Variants in DNAH8 observed in about 807,000 individuals in gnomAD.
DNAH8 encodes the protein axonemal beta dynein heavy chain 8.
Under a neutral mutation model 562.1 loss-of-function variants are expected in DNAH8, and 382 were observed. That is an observed-to-expected ratio of 0.68 (90% CI 0.63 to 0.74). The LOEUF (loss-of-function observed/expected upper bound fraction) is 0.74, where lower values mean the gene tolerates loss of function less well. DNAH8 is among the 30% of genes least tolerant of loss of function. The pLI, the probability that DNAH8 is intolerant of heterozygous loss-of-function variation, is 0.00. For missense variants in DNAH8, 5,203 were observed against 5,620.4 expected, an observed-to-expected ratio of 0.93 and a Z score of 2.37; for synonymous variants, 1,881 against 1,919.4, an observed-to-expected ratio of 0.98 and a Z score of 0.52.
At chr6:38,971,963 C>A in intron 83 of DNAH8, 1 of 250,570 alleles carries the variant, frequency 4.0e-6, no homozygotes, top group Non-Finnish European at 7.6e-6. Flanking sequence ...ATTTCATGAT[C>A]AATATGAATA....
chr6:38,971,724 G>T (rs1763369645), intron 83 of DNAH8, 59 bp downstream of exon 83: 1 of 1,312,740 alleles, frequency 7.6e-7, no homozygotes, highest in Admixed American at 2.2e-5. Flanking sequence ...CACAATCATG[G>T]ATGTTACCAC....
In DNAH8 at chr6:38,828,225, C is replaced by A; in HGVS notation, c.4125C>A (p.Thr1375=). Residue 1375 remains threonine (T), a synonymous_variant, in exon 30 of 93, where the codon ACC becomes ACA. Transcript: ENST00000327475. ...AILNRFEVEV[T]KEESEAVDTL... ...TAAACAGATTTGAAGTTGAAGTAAC[C>A]AAAGAAGAATCAGAAGCAGTTGATA... 6.3e-7 allele frequency: 1 copy of A among 1,594,984 alleles called. No homozygotes were observed. Among genetic ancestry groups the A allele is most frequent in the South Asian group, 1.2e-5 (1 of 85,682 alleles).
Position 39,008,915 on chromosome 6 carries a change from A to T in DNAH8, c.13316A>T (p.Tyr4439Phe). Reference sequence around the variant, plus strand: ...GGAGAGACCCGGGAGGCTATTGTTTATAGATTATCTGAAGATATGCTGAGT... The same window carrying T: ...GGAGAGACCCGGGAGGCTATTGTTTTTAGATTATCTGAAGATATGCTGAGT... ...GVGETREAIV[Y>F]RLSEDMLSKL... is the part of the protein sequence containing the mutation. Residue 4439 changes from tyrosine (Y) to phenylalanine (F), a missense_variant, in exon 89 of 93, where the codon TAT becomes TTT. Physicochemically the swap from Tyr to Phe is conservative, Grantham distance 22. Transcript: ENST00000327475. The T allele has an allele frequency of 6.2e-7, 1 of 1,610,816 alleles. No individual in the cohort carries two copies. The highest frequency in any genetic ancestry group is 8.5e-7 in the Non-Finnish European group (1 of 1,177,094).
At chr6:38,743,680 G>A (rs13212272) in intron 8 of DNAH8, among the ~76,000 whole-genome samples, 9,605 of 152,054 alleles carry the variant, frequency 0.063, 340 homozygotes, top group South Asian at 0.11. Context: ...TTCAAGTTTC[G>A]TCCATGTTGT....
At position 38,923,103 on chromosome 6, in the gene DNAH8, G is replaced by A. The variant is rs776294190; in HGVS notation, c.10708G>A (p.Ala3570Thr). 1.9e-6 allele frequency: 3 copies of A among 1,613,582 alleles called. No homozygotes were observed. The highest frequency in any genetic ancestry group is 1.1e-5 in the South Asian group (1 of 91,040). The stretch of plus-strand genomic sequence containing the variant: ...TACGTGCCGGAAAAAGATGCAGGCC[G>A]CCTCCACTCTCATCGATGGGCTGAG... The part of the protein sequence containing the change: ...ADTCRKKMQA[A>T]STLIDGLSGE... The change falls in exon 72 of 93, where the codon GCC becomes ACC. Residue 3570 changes from alanine (A) to threonine (T), a missense_variant. By Grantham distance (58) the Ala-to-Thr change is moderately conservative (BLOSUM62 0). Coordinates refer to ENST00000327475, the MANE Select transcript of DNAH8 (RefSeq NM_001206927.2).
At chr6:39,018,783 G>A (rs1766717259) in intron 91 of DNAH8, among the ~76,000 whole-genome samples, 1 of 152,196 alleles carries the variant, frequency 6.6e-6, no homozygotes, top group Non-Finnish European at 1.5e-5. Flanking sequence ...AGGAGAAGGA[G>A]AGTAGTAAGT....
chr6:38,883,018 A>G lies in DNAH8; in HGVS notation c.7967A>G (p.Asn2656Ser). 1 of 1,601,760 alleles carries G rather than the reference A, an allele frequency of 6.2e-7. No individual in the cohort carries two copies. Among genetic ancestry groups the G allele is most frequent in the South Asian group, 1.1e-5 (1 of 87,344 alleles). Residue 2656 changes from asparagine (N) to serine (S), a missense_variant, in exon 54 of 93, where the codon AAT (asparagine) becomes AGT (serine). By Grantham distance (46) the Asn-to-Ser change is conservative (BLOSUM62 1). Transcript: ENST00000327475. Reference protein sequence around the residue: ...LVPNVDNIRTNFLIDTIAKQH... With the variant: ...LVPNVDNIRTSFLIDTIAKQH... ...CCAAATGTTGACAATATTAGAACAA[A>G]TTTTTTGATAGACACCATTGCAAAA...
intron 41 of DNAH8, among the ~76,000 whole-genome samples, chr6:38,854,474 C>G (rs142528304): frequency 1.1e-3 from 160 of 152,248 alleles, no homozygotes; most frequent in African/African-American, 3.7e-3. Context: ...AATGATGTAT[C>G]ATTTATTCAA....
At chr6:38,865,410 C>T (rs1430843113) in intron 45 of DNAH8, among the ~76,000 whole-genome samples, 2 of 152,144 alleles carry the variant, frequency 1.3e-5, no homozygotes, top group African/African-American at 2.4e-5. Context: ...AACATGCTCC[C>T]TGGATTAAGA....
intron 21 of DNAH8, among the ~76,000 whole-genome samples, chr6:38,792,954 A>T (rs1738244): frequency 0.29 from 44,243 of 151,418 alleles, 6,758 homozygotes; most frequent in Admixed American, 0.39. Flanking sequence ...AATTAAAAAC[A>T]TTTTTTTTGT....
chr6:38,752,209 G>A (rs1257320874), intron 9 of DNAH8, among the ~76,000 whole-genome samples: 2 of 151,780 alleles, frequency 1.3e-5, no homozygotes, highest in East Asian at 3.9e-4. Context: ...TGTCACCCAG[G>A]CTGGAGTGCA....
In DNAH8 at chr6:38,823,552, C is replaced by T; in HGVS notation, c.3721-10C>T. On this transcript the variant is annotated splice_polypyrimidine_tract_variant and intron_variant, in intron 27 of 92. Transcript: ENST00000327475. ...AAAAAATTAAAATATTGACTATTTTCTTACCACAGGAATTTTTGGCTAACA... is the reference window on the plus strand; with the variant it reads ...AAAAAATTAAAATATTGACTATTTTTTTACCACAGGAATTTTTGGCTAACA... 6.3e-7 allele frequency: 1 copy of T among 1,588,538 alleles called. No individual in the cohort carries two copies. Among genetic ancestry groups the T allele is most frequent in the Non-Finnish European group, 8.6e-7 (1 of 1,161,016 alleles).
At chr6:38,918,175 A>G in intron 70 of DNAH8, 35 bp downstream of exon 70, 2 of 1,463,816 alleles carry the variant, frequency 1.4e-6, no homozygotes, top group Non-Finnish European at 9.5e-7. Flanking sequence ...GTAAATCAAT[A>G]TTTCATAAAA....
intron 11 of DNAH8, among the ~76,000 whole-genome samples, chr6:38,766,610 C>T (rs1767026023): frequency 6.6e-6 from 1 of 152,104 alleles, no homozygotes. Flanking sequence ...CCTCAGCCTC[C>T]CTAGTCACTG....
intron 41 of DNAH8, 111 bp from the exon 42 acceptor site, chr6:38,857,407 G>C (rs150364277): frequency 1.6e-4 from 108 of 672,192 alleles, no homozygotes; most frequent in African/African-American, 1.3e-3. Context: ...GTGAAGAAAT[G>C]CAAGTCAATC....
intron 11 of DNAH8, chr6:38,764,656 G>A (rs1036123882): frequency 1.3e-5 from 2 of 152,260 alleles, no homozygotes; most frequent in Admixed American, 6.5e-5. Context: ...GCAATGAAAT[G>A]CCCAGGAGCA....
rs143707632 is a variant in DNAH8 at position 38,896,154 on chromosome 6, C to T, written c.8869C>T (p.Arg2957Cys). ...TGAACCATACTTTGTGGATTTTCTT[C>T]GTGAGATGCCAGAACCAACTGGTGA... ...LPEPYFVDFL[R>C]EMPEPTGDEP... The change falls in exon 60 of 93, where the codon CGT becomes TGT. Residue 2957 changes from arginine (R) to cysteine (C), a missense_variant. This residue lies in a region of DNAH8 where 977 missense variants were observed against 1,061.8 expected (regional missense o/e 0.92). Transcript: ENST00000327475. 145 of 1,613,662 alleles carry T rather than the reference C, an allele frequency of 9.0e-5. No homozygotes were observed. The African/African-American group carries it at 1.5e-3, about 17-fold the overall frequency.
chr6:38,775,807 C>T lies in DNAH8; in HGVS notation c.1818C>T (p.Thr606=). 2 of 1,596,356 alleles carry T rather than the reference C, an allele frequency of 1.3e-6. No individual in the cohort carries two copies. Among genetic ancestry groups the T allele is most frequent in the Non-Finnish European group, 1.7e-6 (2 of 1,164,344 alleles). The change falls in exon 13 of 93, where the codon ACC becomes ACT. Residue 606 remains threonine, a synonymous_variant. Coordinates refer to ENST00000327475, the MANE Select transcript of DNAH8 (RefSeq NM_001206927.2). ...VQTYSTLSNS[T]IEGIDIMAIK... Reference sequence around the variant, plus strand: ...CATATTCAACCTTGAGTAATTCTACCATAGAAGGAATAGATATTATGGCAA... The same window carrying T: ...CATATTCAACCTTGAGTAATTCTACTATAGAAGGAATAGATATTATGGCAA...
intron 41 of DNAH8, among the ~76,000 whole-genome samples, chr6:38,855,031 A>G (rs184045232): frequency 3.4e-5 from 5 of 148,622 alleles, no homozygotes; most frequent in Admixed American, 6.8e-5. Context: ...GAATATATTC[A>G]CATAAGTATA....
Sources: gnomAD v4.1 joint callset for allele counts (sites outside exome capture counted in the v4.1 genomes callset) on GRCh38, gnomAD v4.1.1 for gene constraint, gnomAD v4.1.1 regional missense constraint, MANE v1.5 for transcripts, NCBI Gene and HGNC (gene_info 2026-07-23, HGNC 2026-07-21) for gene names.